Variants in PPP3CA observed in about 807,000 individuals in gnomAD.
PPP3CA encodes CAM-PRP catalytic subunit.
In PPP3CA, 14 loss-of-function variants were observed where a neutral mutation model predicts 66.5. The ratio of observed to expected loss-of-function variants is 0.21; its 90% CI spans 0.14 to 0.33. The LOEUF is 0.33. Ranked by LOEUF, PPP3CA falls within the 10% of genes least tolerant of loss-of-function variation. The pLI is 1.00. For synonymous variants in PPP3CA, 232 were observed against 226.2 expected (o/e 1.03, Z -0.23); for missense variants, 317 against 639.5 (o/e 0.50, Z 5.44).
intron 2 of PPP3CA, among the ~76,000 whole-genome samples, chr4:101,156,628 C>A (rs1723330683): frequency 6.6e-6 from 1 of 152,006 alleles, no homozygotes; most frequent in African/African-American, 2.4e-5. Flanking sequence ...TGTGATCGTG[C>A]CATTGCACTC....
intron 10 of PPP3CA, among the ~76,000 whole-genome samples, chr4:101,051,727 T>C (rs1728018102): frequency 6.6e-6 from 1 of 152,160 alleles, no homozygotes; most frequent in Admixed American, 6.6e-5. Context: ...ACTTCCCTTA[T>C]GCAACATGGT....
At chr4:101,329,000 C>T (rs182856118) in intron 1 of PPP3CA, among the ~76,000 whole-genome samples, 2 of 150,634 alleles carry the variant, frequency 1.3e-5, no homozygotes, top group African/African-American at 5.0e-5. Context: ...CTAAAATGGT[C>T]TCTAACTGTT....
intron 1 of PPP3CA, among the ~76,000 whole-genome samples, chr4:101,283,168 C>T (rs1412476952): frequency 6.6e-6 from 1 of 152,178 alleles, no homozygotes; most frequent in East Asian, 1.9e-4. Context: ...TACGGGAAAG[C>T]GTCAAATTTC....
intron 1 of PPP3CA, among the ~76,000 whole-genome samples, chr4:101,231,336 AT>A (rs768565309): frequency 5.7e-4 from 86 of 151,834 alleles, no homozygotes; most frequent in East Asian, 2.5e-3. Flanking sequence ...AGACTCCATG[AT>A]TTTATCTGTA....
At chr4:101,115,883 T>C (rs1318133407) in intron 2 of PPP3CA, among the ~76,000 whole-genome samples, 3 of 151,940 alleles carry the variant, frequency 2.0e-5, no homozygotes, top group Non-Finnish European at 4.4e-5. Flanking sequence ...TAATTTCATG[T>C]TAAAGTTTAC....
intron 1 of PPP3CA, among the ~76,000 whole-genome samples, chr4:101,254,319 G>A (rs1165824784): frequency 3.9e-5 from 6 of 151,964 alleles, no homozygotes; most frequent in Non-Finnish European, 8.8e-5. Flanking sequence ...GATATAATTC[G>A]TAAGTTCATT....
chr4:101,192,853 T>G (rs1366580814), intron 2 of PPP3CA, among the ~76,000 whole-genome samples: 1 of 152,220 alleles, frequency 6.6e-6, no homozygotes, highest in East Asian at 1.9e-4. Flanking sequence ...GGATATTCTA[T>G]GTCTCATATG....
intron 10 of PPP3CA, among the ~76,000 whole-genome samples, chr4:101,053,552 A>C (rs1728100510): frequency 6.6e-6 from 1 of 152,144 alleles, no homozygotes; most frequent in African/African-American, 2.4e-5. Context: ...TTCAGTTATT[A>C]CTTAATCCTA....
chr4:101,134,466 G>A (rs1722551325), intron 2 of PPP3CA, among the ~76,000 whole-genome samples: 1 of 152,144 alleles, frequency 6.6e-6, no homozygotes, highest in Non-Finnish European at 1.5e-5. Context: ...CATTTATGTG[G>A]CCAACAAACA....
At chr4:101,128,689 T>A (rs1205693671) in intron 2 of PPP3CA, among the ~76,000 whole-genome samples, 1 of 151,940 alleles carries the variant, frequency 6.6e-6, no homozygotes, top group Non-Finnish European at 1.5e-5. Flanking sequence ...TGAGGAACTG[T>A]GCTGTGAGGG....
chr4:101,326,593 T>G (rs1295973588), intron 1 of PPP3CA, among the ~76,000 whole-genome samples: 2 of 152,198 alleles, frequency 1.3e-5, no homozygotes, highest in Non-Finnish European at 2.9e-5. Context: ...CCTCTTAACA[T>G]TCTAGACTAG....
At chr4:101,263,724 T>A (rs1402988130) in intron 1 of PPP3CA, among the ~76,000 whole-genome samples, 3 of 151,842 alleles carry the variant, frequency 2.0e-5, no homozygotes, top group Non-Finnish European at 4.4e-5. Context: ...CTGACAGGGG[T>A]CTATTGATTA....
chr4:101,184,057 T>C (rs866291367), intron 2 of PPP3CA, among the ~76,000 whole-genome samples: 1 of 152,170 alleles, frequency 6.6e-6, no homozygotes, highest in Non-Finnish European at 1.5e-5. Flanking sequence ...GTGACTCCCA[T>C]AGACTTCCAC....
chr4:101,239,853 G>A (rs553417520), intron 1 of PPP3CA, among the ~76,000 whole-genome samples: 1 of 152,002 alleles, frequency 6.6e-6, no homozygotes, highest in East Asian at 1.9e-4. Context: ...GGCATGAAAA[G>A]GCATCTCACT....
chr4:101,299,574 C>T (rs543531315), intron 1 of PPP3CA, among the ~76,000 whole-genome samples: 4 of 151,882 alleles, frequency 2.6e-5, no homozygotes, highest in South Asian at 4.2e-4. Flanking sequence ...ACTGAATCAT[C>T]GTTATGCAGC....
chr4:101,231,028 T>C (rs1349587676), intron 1 of PPP3CA, among the ~76,000 whole-genome samples: 1 of 151,700 alleles, frequency 6.6e-6, no homozygotes, highest in Non-Finnish European at 1.5e-5. Context: ...GTATGGATGA[T>C]TTCACAGGAA....
intron 1 of PPP3CA, among the ~76,000 whole-genome samples, chr4:101,292,314 T>C (rs1377594205): frequency 6.6e-6 from 1 of 152,226 alleles, no homozygotes; most frequent in Non-Finnish European, 1.5e-5. Context: ...AAAAGAATCA[T>C]AGATGCTGTT....
chr4:101,162,702 A>G (rs1723558030), intron 2 of PPP3CA, among the ~76,000 whole-genome samples: 1 of 152,122 alleles, frequency 6.6e-6, no homozygotes, highest in African/African-American at 2.4e-5. Context: ...GTCCCCAAAC[A>G]CATATGCATG....
intron 2 of PPP3CA, among the ~76,000 whole-genome samples, chr4:101,124,047 C>T (rs1187706192): frequency 6.6e-6 from 1 of 152,146 alleles, no homozygotes; most frequent in Admixed American, 6.5e-5. Flanking sequence ...GAACTATCCC[C>T]TTAATAAATG....
Sources: gnomAD v4.1 joint callset for allele counts (sites outside exome capture counted in the v4.1 genomes callset) on GRCh38, gnomAD v4.1.1 for gene constraint, MANE v1.5 for transcripts, NCBI Gene and HGNC (gene_info 2026-07-23, HGNC 2026-07-21) for gene names.